The following SIRPD variants were observed in gnomAD, a reference collection of about 807,000 sequenced individuals.
SIRPD encodes signal-regulatory protein delta.
SIRPD carries 21 observed loss-of-function variants against 18.0 expected under a neutral mutation model. That is an observed-to-expected ratio of 1.17 (90% confidence interval 0.83 to 1.68). SIRPD has a LOEUF of 1.68. Among genes scored for constraint, SIRPD ranks in the 40% most tolerant of loss-of-function variants. The pLI is 0.00. For synonymous variants in SIRPD, 106 were observed against 92.9 expected (o/e 1.14, Z -0.81); for missense variants, 295 against 238.4 (o/e 1.24, Z -1.56).
intron 1 of SIRPD, among the ~76,000 whole-genome samples, 199 bp from the exon 2 acceptor site, chr20:1,552,237 T>G (rs143112751): frequency 6.6e-6 from 1 of 152,258 alleles, no homozygotes; most frequent in Non-Finnish European, 1.5e-5. Context: ...GAAGACCAGA[T>G]GTATTCCTCC....
intron 2 of SIRPD, among the ~76,000 whole-genome samples, chr20:1,544,918 T>C (rs979792979): frequency 6.6e-6 from 1 of 152,224 alleles, no homozygotes; most frequent in African/African-American, 2.4e-5. Flanking sequence ...AAAATTCTTT[T>C]CTTTAAGAAT....
At chr20:1,543,796 A>G (rs1275286964) in intron 2 of SIRPD, among the ~76,000 whole-genome samples, 1 of 152,204 alleles carries the variant, frequency 6.6e-6, no homozygotes, top group Non-Finnish European at 1.5e-5. Context: ...AATGTGTCCC[A>G]GAGATTCTGT....
At position 1,554,338 on chromosome 20, in the gene SIRPD, C is replaced by T. The variant is rs531915581; in HGVS notation, c.74-2300G>A. Reference sequence around the variant, plus strand: ...TCATCTCTTATGTTCTCTGTCTTGGCTCAAGATGCTCTGAGGGTCTGGTTA... The same window carrying T: ...TCATCTCTTATGTTCTCTGTCTTGGTTCAAGATGCTCTGAGGGTCTGGTTA... On this transcript the variant is annotated intron_variant, in intron 1 of 3. Transcript: ENST00000381623. 9 of 152,660 alleles carry T rather than the reference C, an allele frequency of 5.9e-5. No homozygotes were observed. The South Asian group carries it at 1.2e-3, about 21-fold the overall frequency. 9.5% of individuals were successfully genotyped at this position (152,660 alleles called of 1,614,324 possible).
chr20:1,539,154 C>T (rs975781078), intron 2 of SIRPD, among the ~76,000 whole-genome samples: 1 of 152,316 alleles, frequency 6.6e-6, no homozygotes, highest in East Asian at 1.9e-4. Context: ...GCAGTAACTA[C>T]ATGCCTCAAG....
Position 1,551,728 on chromosome 20 carries a change from CT to C in SIRPD, c.383del (p.Glu128GlyfsTer80). On this transcript the variant is annotated frameshift_variant, in exon 2 of 4. Transcript: ENST00000381623. LOFTEE classifies it high-confidence loss of function. ...VKFIKGRAIK[E>X]YQSGRGTQVF... ...CCTGAGTGCCCCGACCTGATTGGTA[CT>C]CCTTGATAGCTCTTCCTTTTATGAA... is the stretch of plus-strand genomic sequence containing the variant. 6.2e-7 allele frequency: 1 copy of C among 1,613,902 alleles called. No homozygotes were observed. Among genetic ancestry groups the C allele is most frequent in the Non-Finnish European group, 8.5e-7 (1 of 1,179,884 alleles).
At chr20:1,550,971 A>G (rs2091016405) in intron 2 of SIRPD, among the ~76,000 whole-genome samples, 1 of 152,228 alleles carries the variant, frequency 6.6e-6, no homozygotes, top group South Asian at 2.1e-4. Context: ...ACTAAGAAAA[A>G]GGCTTTGGAT....
chr20:1,539,617 T>C (rs1382526582), intron 2 of SIRPD, among the ~76,000 whole-genome samples: 1 of 152,248 alleles, frequency 6.6e-6, no homozygotes, highest in Non-Finnish European at 1.5e-5. Context: ...CACCCCACTA[T>C]GTAATCCCTT....
intron 1 of SIRPD, 155 bp downstream of exon 1, chr20:1,557,426 G>T: frequency 1.8e-6 from 1 of 548,198 alleles, no homozygotes; most frequent in Non-Finnish European, 2.9e-6. Context: ...TCAGAATTGG[G>T]GACCATCCCA....
At chr20:1,535,405 G>A (rs1293856228) in intron 3 of SIRPD, among the ~76,000 whole-genome samples, 1 of 152,120 alleles carries the variant, frequency 6.6e-6, no homozygotes, top group African/African-American at 2.4e-5. Context: ...AGTATTGAGA[G>A]GTAGGGTCTT....
intron 2 of SIRPD, chr20:1,540,237 T>C (rs2256520): frequency 0.84 from 381,348 of 452,268 alleles, 161,748 homozygotes; most frequent in Middle Eastern, 0.94. Flanking sequence ...AGGGAATATG[T>C]TCTCTCCTAG....
chr20:1,543,790 T>G (rs1308137836), intron 2 of SIRPD, among the ~76,000 whole-genome samples: 1 of 152,242 alleles, frequency 6.6e-6, no homozygotes, highest in Non-Finnish European at 1.5e-5. Flanking sequence ...GCTTTAAATG[T>G]GTCCCAGAGA....
intron 1 of SIRPD, among the ~76,000 whole-genome samples, chr20:1,556,869 T>C (rs2123160824): frequency 6.6e-6 from 1 of 152,372 alleles, no homozygotes; most frequent in Non-Finnish European, 1.5e-5. Flanking sequence ...TTCTGTAATT[T>C]AAACCACCCA....
At chr20:1,538,518 G>T (rs1432035311) in intron 2 of SIRPD, among the ~76,000 whole-genome samples, 1 of 152,138 alleles carries the variant, frequency 6.6e-6, no homozygotes, top group Admixed American at 6.5e-5. Flanking sequence ...GTAGGCATAT[G>T]TTCCCTCCCC....
At chr20:1,542,292 T>C (rs1568666921) in intron 2 of SIRPD, among the ~76,000 whole-genome samples, 1 of 152,240 alleles carries the variant, frequency 6.6e-6, no homozygotes, top group Admixed American at 6.5e-5. Flanking sequence ...GTTTTTTGTT[T>C]GTGTCCTCTC....
rs1302976465 is a variant in SIRPD at position 1,557,700 on chromosome 20, A to G, written c.-47T>C. ...CTCTGCCTGAATGCCTGTCCTGGAG[A>G]TGCCCTCGACTCAGTGCTCCGAGCA... On this transcript the variant is annotated 5_prime_UTR_variant, in exon 1 of 4. Coordinates refer to ENST00000381623, the MANE Select transcript of SIRPD (RefSeq NM_178460.3). The G allele has an allele frequency of 6.9e-6, 11 of 1,585,952 alleles. No individual in the cohort carries two copies. The South Asian group carries it at 1.1e-4, about 16-fold the overall frequency.
At chr20:1,543,779 T>C (rs779919746) in intron 2 of SIRPD, among the ~76,000 whole-genome samples, 1 of 152,220 alleles carries the variant, frequency 6.6e-6, no homozygotes, top group Non-Finnish European at 1.5e-5. Context: ...CTCTAAACAC[T>C]GCTTTAAATG....
At chr20:1,546,801 A>G (rs2090995512) in intron 2 of SIRPD, among the ~76,000 whole-genome samples, 1 of 152,142 alleles carries the variant, frequency 6.6e-6, no homozygotes, top group South Asian at 2.1e-4. Context: ...GTTGTATTTC[A>G]TTATAGTTTT....
chr20:1,540,487 A>G (rs539649575), intron 2 of SIRPD, among the ~76,000 whole-genome samples: 1 of 152,322 alleles, frequency 6.6e-6, no homozygotes, highest in African/African-American at 2.4e-5. Flanking sequence ...TATCATCTCA[A>G]AAAAGACTCC....
At chr20:1,542,820 T>A (rs1198460499) in intron 2 of SIRPD, among the ~76,000 whole-genome samples, 1 of 152,198 alleles carries the variant, frequency 6.6e-6, no homozygotes, top group Non-Finnish European at 1.5e-5. Flanking sequence ...AATACCTAGT[T>A]TATTGAGTGT....
Sources: allele counts gnomAD v4.1 joint callset (sites outside exome capture counted in the v4.1 genomes callset), GRCh38; gene constraint gnomAD v4.1.1; transcripts MANE v1.5; gene names NCBI Gene and HGNC (gene_info 2026-07-23, HGNC 2026-07-21).